Variants in TBC1D9B observed in about 807,000 individuals in gnomAD.
The protein encoded by TBC1D9B is TBC1 domain family member 9B.
In TBC1D9B, 87 loss-of-function variants were observed where a neutral mutation model predicts 121.1. The observed-to-expected ratio is 0.72, with a 90% CI of 0.60 to 0.86. The LOEUF is 0.86. Among genes scored for constraint, TBC1D9B ranks in the 40% least tolerant of loss-of-function variants. TBC1D9B has a pLI of 0.00. For synonymous variants in TBC1D9B, 668 were observed against 670.1 expected (o/e 1.00, Z 0.05); for missense variants, 1,540 against 1,628.6 (o/e 0.95, Z 0.94).
At chr5:179,905,734 C>A (rs961273741) in intron 1 of TBC1D9B, among the ~76,000 whole-genome samples, 1 of 152,104 alleles carries the variant, frequency 6.6e-6, no homozygotes, top group Admixed American at 6.5e-5. Context: ...ATCTAAAAAC[C>A]TGTTTATTGT....
rs1364968067 is a variant in TBC1D9B at position 179,890,576 on chromosome 5, C to T, written c.1044+803G>A. Among the ~76,000 whole-genome samples the T allele has an allele frequency of 2.6e-5, 4 of 152,218 alleles. No individual in the cohort carries two copies. The highest frequency in any genetic ancestry group is 5.9e-5 in the Non-Finnish European group (4 of 68,040). ...GGGGAAACTGAGGCAGCAACTCTCC[C>T]ACACCTATTCTCAGCTACATCTGCA... On this transcript the variant is annotated intron_variant, in intron 6 of 20. Coordinates refer to ENST00000355235, the MANE Select transcript of TBC1D9B (RefSeq NM_015043.4). The surrounding 1 kb of genome is among the most constrained non-coding windows in gnomAD (Gnocchi z 5.0).
At chr5:179,889,249 C>T (rs996339641) in intron 6 of TBC1D9B, among the ~76,000 whole-genome samples, 4 of 152,024 alleles carry the variant, frequency 2.6e-5, no homozygotes, top group African/African-American at 7.2e-5. Flanking sequence ...AGGATGGTCT[C>T]GATCTCCTGA....
At chr5:179,879,345 C>T (rs953355180) in intron 8 of TBC1D9B, 148 bp from the exon 9 acceptor site, 38 of 1,289,854 alleles carry the variant, frequency 2.9e-5, no homozygotes, top group African/African-American at 1.2e-4. Context: ...GACCAGGCCG[C>T]GCTGAGCCAC....
Position 179,888,327 on chromosome 5 carries a change from GA to G in TBC1D9B, c.1045-16del, listed in dbSNP as rs1760754392. 2 of 1,611,592 alleles carry G rather than the reference GA, an allele frequency of 1.2e-6. No individual in the cohort carries two copies. The highest frequency in any genetic ancestry group is 1.1e-5 in the South Asian group (1 of 90,834). On this transcript the variant is annotated splice_polypyrimidine_tract_variant and intron_variant, in intron 6 of 20. Coordinates refer to ENST00000355235, the MANE Select transcript of TBC1D9B (RefSeq NM_015043.4). ...ACAATGGTCACCTGAGAAGGTGAAA[GA>G]ACTCTTTTGGGTGTCTGCATCTCAG...
At chr5:179,879,830 G>C in intron 7 of TBC1D9B, 41 bp from the exon 8 acceptor site, 1 of 1,555,674 alleles carries the variant, frequency 6.4e-7, no homozygotes, top group Non-Finnish European at 8.7e-7. Context: ...TAACAACTGT[G>C]CTGCCAGGTG....
Position 179,907,728 on chromosome 5 carries a change from G to A in TBC1D9B, c.94C>T (p.His32Tyr). The A allele has an allele frequency of 8.4e-7, 1 of 1,186,074 alleles. No individual in the cohort carries two copies. Among genetic ancestry groups the A allele is most frequent in the Non-Finnish European group, 1.1e-6 (1 of 933,218 alleles). 73.5% of individuals were successfully genotyped at this position (1,186,074 alleles called of 1,614,324 possible). Residue 32 changes from histidine to tyrosine, a missense_variant, in exon 1 of 21, where the codon CAC becomes TAC. By Grantham distance (83) the His-to-Tyr change is moderately conservative. Coordinates refer to ENST00000355235, the MANE Select transcript of TBC1D9B (RefSeq NM_015043.4). The surrounding 1 kb of genome is among the most constrained non-coding windows in gnomAD (Gnocchi z 5.3). ...PFFVLQRRRG[H>Y]GRGGGLTGLL... ...CCCGTAAGGCCGCCGCCCCTGCCGT[G>A]GCCCCGGCGTCGCTGCAGCACGAAG...
chr5:179,891,398 A>C lies in TBC1D9B; in HGVS notation c.1025T>G (p.Leu342Arg), dbSNP rs1410817599. The C allele has an allele frequency of 6.2e-7, 1 of 1,614,078 alleles. No homozygotes were observed. Among genetic ancestry groups the C allele is most frequent in the Non-Finnish European group, 8.5e-7 (1 of 1,180,030 alleles). ...FASKEEDACH[L>R]IIPLREVTIV... is the part of the protein sequence containing the mutation. Reference sequence around the variant, plus strand: ...GCTGACCTCCCTCAGGGGTATGATGAGGTGGCAAGCGTCCTCCTCCTTGCT... The same window carrying C: ...GCTGACCTCCCTCAGGGGTATGATGCGGTGGCAAGCGTCCTCCTCCTTGCT... The change falls in exon 6 of 21, where the codon CTC (leucine) becomes CGC (arginine). Residue 342 changes from leucine (L) to arginine (R), a missense_variant. Coordinates refer to ENST00000355235, the MANE Select transcript of TBC1D9B (RefSeq NM_015043.4). The surrounding 1 kb of genome is among the most constrained non-coding windows in gnomAD (Gnocchi z 4.3).
chr5:179,863,930 G>T lies in TBC1D9B; in HGVS notation c.3220C>A (p.Leu1074Met), dbSNP rs1396157907. ...TEEDEPPAPE[L>M]HQDAARELQP... The stretch of plus-strand genomic sequence containing the variant: ...AGCTCCCTGGCTGCGTCCTGATGCA[G>T]TTCGGGTGCTGGTGGCTCGTCCTCC... Residue 1074 changes from leucine (L) to methionine (M), a missense_variant, in exon 21 of 21, where the codon CTG becomes ATG. Leu to Met is a conservative substitution (Grantham distance 15). Transcript: ENST00000355235. The surrounding 1 kb of genome is among the most constrained non-coding windows in gnomAD (Gnocchi z 4.5). The T allele has an allele frequency of 1.5e-5, 24 of 1,613,952 alleles. No individual in the cohort carries two copies. The highest frequency in any genetic ancestry group is 3.3e-5 in the South Asian group (3 of 91,084).
intron 7 of TBC1D9B, among the ~76,000 whole-genome samples, chr5:179,881,655 T>C (rs1017281182): frequency 6.6e-6 from 1 of 152,362 alleles, no homozygotes; most frequent in Admixed American, 6.5e-5. Context: ...CAAAATTTCT[T>C]GAAAGAGATG....
intron 17 of TBC1D9B, chr5:179,868,101 G>C: frequency 3.1e-6 from 1 of 322,302 alleles, no homozygotes; most frequent in Non-Finnish European, 5.7e-6. Context: ...GCAGTCACAT[G>C]ATCTCAGCTC....
intron 7 of TBC1D9B, among the ~76,000 whole-genome samples, chr5:179,887,048 C>T (rs1272137050): frequency 1.3e-5 from 2 of 152,218 alleles, no homozygotes; most frequent in African/African-American, 2.4e-5. Context: ...GTGGAAGACA[C>T]TAGAAAACCA....
chr5:179,904,169 G>T lies in TBC1D9B; in HGVS notation c.229+533C>A, dbSNP rs565907572. Among the ~76,000 whole-genome samples, 2 of 151,486 alleles carry T rather than the reference G, an allele frequency of 1.3e-5. No individual in the cohort carries two copies. Among genetic ancestry groups the T allele is most frequent in the African/African-American group, 4.9e-5 (2 of 41,200 alleles). On this transcript the variant is annotated intron_variant, in intron 2 of 20. Coordinates refer to ENST00000355235, the MANE Select transcript of TBC1D9B (RefSeq NM_015043.4). This position sits in a 1 kb window ranked among gnomAD's most constrained non-coding sequence, Gnocchi z 4.2. ...ACCTGCGTCCCTAGAGGTACATGGG[G>T]ATCCATGGGGCTGTCCTCTCCTGCC... is the stretch of plus-strand genomic sequence containing the variant.
chr5:179,870,104 G>T, intron 16 of TBC1D9B, 151 bp downstream of exon 16: 1 of 1,348,502 alleles, frequency 7.4e-7, no homozygotes, highest in East Asian at 2.3e-5. Context: ...CGGCTCCCGT[G>T]GGTAAACTGT....
At chr5:179,872,168 T>C (rs1343529038) in intron 14 of TBC1D9B, 1 of 154,072 alleles carries the variant, frequency 6.5e-6, no homozygotes, top group African/African-American at 2.4e-5. Context: ...CCGGGCCCCT[T>C]CCCAGGATGG....
Position 179,871,499 on chromosome 5 carries a change from G to T in TBC1D9B, c.2447C>A (p.Ser816Tyr). 1 of 1,613,236 alleles carries T rather than the reference G, an allele frequency of 6.2e-7. No homozygotes were observed. Among genetic ancestry groups the T allele is most frequent in the South Asian group, 1.1e-5 (1 of 90,838 alleles). ...GTAAAGGTCCTCCAGCTCTTCAATG[G>T]AGAAACCAATGTCCACAGGTATAGC... ...VRAIPVDIGF[S>Y]IEELEDLYMV... The change falls in exon 15 of 21, where the codon TCC (serine) becomes TAC (tyrosine). Residue 816 changes from serine to tyrosine, a missense_variant. Ser to Tyr is a moderately radical substitution (Grantham distance 144). Coordinates refer to ENST00000355235, the MANE Select transcript of TBC1D9B (RefSeq NM_015043.4).
intron 3 of TBC1D9B, 21 bp from the exon 4 acceptor site, chr5:179,894,635 A>G: frequency 6.2e-7 from 1 of 1,612,782 alleles, no homozygotes. Flanking sequence ...GCAAGAGGAC[A>G]AGGGCTTGCC....
At chr5:179,905,969 T>C (rs571633060) in intron 1 of TBC1D9B, among the ~76,000 whole-genome samples, 19 of 152,344 alleles carry the variant, frequency 1.2e-4, no homozygotes, top group African/African-American at 4.6e-4. Flanking sequence ...AACCTTGACC[T>C]CCTGGGTTCA....
In TBC1D9B at chr5:179,879,193, T is replaced by C. The variant is rs986009839; in HGVS notation, c.1421A>G (p.Lys474Arg). The change falls in exon 9 of 21, where the codon AAG (lysine) becomes AGG (arginine). Residue 474 changes from lysine (K) to arginine (R), a missense_variant. Coordinates refer to ENST00000355235, the MANE Select transcript of TBC1D9B (RefSeq NM_015043.4). Reference protein sequence around the residue: ...PMEDLGAKGAKEKMKEESWHI... With the variant: ...PMEDLGAKGAREKMKEESWHI... ...CCATGACTCCTCTTTCATCTTCTCCTTGGCCTGAGGGAAAAGCGCATCAGG... is the reference window on the plus strand; with the variant it reads ...CCATGACTCCTCTTTCATCTTCTCCCTGGCCTGAGGGAAAAGCGCATCAGG... 3 of 1,600,216 alleles carry C rather than the reference T, an allele frequency of 1.9e-6. No individual in the cohort carries two copies. Among genetic ancestry groups the C allele is most frequent in the African/African-American group, 2.7e-5 (2 of 74,918 alleles).
chr5:179,876,140 A>C, intron 10 of TBC1D9B, 103 bp from the exon 11 acceptor site: 1 of 781,778 alleles, frequency 1.3e-6, no homozygotes, highest in Admixed American at 3.3e-5. Flanking sequence ...AAGGGCCCAC[A>C]TGATCTTCTT....
Sources: gnomAD v4.1 joint callset for allele counts (sites outside exome capture counted in the v4.1 genomes callset) on GRCh38, gnomAD v4.1.1 for gene constraint, Gnocchi (gnomAD v3.1) non-coding constraint, MANE v1.5 for transcripts, NCBI Gene and HGNC (gene_info 2026-07-23, HGNC 2026-07-21) for gene names.